Variants in AHCYL2 observed in about 807,000 individuals in gnomAD.
AHCYL2 encodes the protein S-adenosylhomocysteine hydrolase-like protein 2.
A neutral mutation model predicts 81.4 loss-of-function variants in AHCYL2; 28 were observed. The observed-to-expected ratio is 0.34, with a 90% confidence interval of 0.25 to 0.47. The LOEUF is 0.47. Ranked by LOEUF, AHCYL2 falls within the 20% of genes least tolerant of loss-of-function variation. AHCYL2 has a pLI of 1.00. For missense variants in AHCYL2, 551 were observed against 785.1 expected, an observed-to-expected ratio of 0.70 and a Z score of 3.56; for synonymous variants, 272 against 290.2, an observed-to-expected ratio of 0.94 and a Z score of 0.64.
rs1468775249 is a variant in AHCYL2, at chr7:129,427,340, C to G, written c.*295C>G. ...TGCATCATTCCCCATTGACTGAATC[C>G]TCAGCAGTGGCCGTTTTTCCTCTTG... On this transcript the variant is annotated 3_prime_UTR_variant, in exon 17 of 17. Coordinates refer to ENST00000325006, the MANE Select transcript of AHCYL2 (RefSeq NM_015328.4). This position sits in a 1 kb window ranked among gnomAD's most constrained non-coding sequence, Gnocchi z 5.5. The G allele has an allele frequency of 3.4e-6, 1 of 296,756 alleles. No homozygotes were observed. Among genetic ancestry groups the G allele is most frequent in the African/African-American group, 2.2e-5 (1 of 45,838 alleles). The allele number at this position is 296,756 out of a possible 1,614,324, so 18.4% of individuals were successfully genotyped here.
Position 129,231,589 on chromosome 7 carries a change from C to T in AHCYL2, c.363+6150C>T, listed in dbSNP as rs1056779745. ...GAAGAGAACAATCTTGGCAGTTGCC[C>T]TGATCCACTGCCCTGCTGTCATGTT... On this transcript the variant is annotated intron_variant, in intron 1 of 16. Transcript: ENST00000325006. Among the ~76,000 whole-genome samples, 119 of 152,272 alleles carry T rather than the reference C, an allele frequency of 7.8e-4. 1 individual carries two copies. The highest frequency in any genetic ancestry group is 2.7e-3 in the African/African-American group (111 of 41,562).
At chr7:129,294,517 G>A (rs561587189) in intron 1 of AHCYL2, among the ~76,000 whole-genome samples, 17 of 152,260 alleles carry the variant, frequency 1.1e-4, no homozygotes, top group African/African-American at 2.4e-4. Context: ...CAATTTTTCT[G>A]ATACAGCAAT....
At chr7:129,350,568 G>A (rs2150829223) in intron 1 of AHCYL2, among the ~76,000 whole-genome samples, 1 of 151,914 alleles carries the variant, frequency 6.6e-6, no homozygotes, top group East Asian at 1.9e-4. Flanking sequence ...TGTATTTTTA[G>A]TAGAGACAGG....
chr7:129,331,431 A>T (rs1798416945), intron 1 of AHCYL2, among the ~76,000 whole-genome samples: 1 of 152,248 alleles, frequency 6.6e-6, no homozygotes, highest in Non-Finnish European at 1.5e-5. Context: ...TTTTAAATAA[A>T]GTAGGATACA....
chr7:129,425,788 T>C (rs1203151614), intron 15 of AHCYL2, among the ~76,000 whole-genome samples: 4 of 152,342 alleles, frequency 2.6e-5, no homozygotes, highest in African/African-American at 7.2e-5. Flanking sequence ...ATAACAACTG[T>C]TAAAAGTTGA....
chr7:129,260,765 C>T (rs1049116017), intron 1 of AHCYL2, among the ~76,000 whole-genome samples: 5 of 152,138 alleles, frequency 3.3e-5, no homozygotes, highest in African/African-American at 1.2e-4. Flanking sequence ...CAACTGAACT[C>T]TCATCAACAC....
intron 1 of AHCYL2, among the ~76,000 whole-genome samples, chr7:129,246,245 A>T (rs1795052286): frequency 6.6e-6 from 1 of 152,074 alleles, no homozygotes; most frequent in African/African-American, 2.4e-5. Flanking sequence ...TTTAGTAGAG[A>T]CAGGGTTTCT....
At position 129,342,784 on chromosome 7, in the gene AHCYL2, G is replaced by T. The variant is rs75331517; in HGVS notation, c.364-36854G>T. ...CTTTCCTTTCTCCCTACTCACCTCTGTTCACCACAGGCAGTCATTGTTGAC... is the reference window on the plus strand; with the variant it reads ...CTTTCCTTTCTCCCTACTCACCTCTTTTCACCACAGGCAGTCATTGTTGAC... On this transcript the variant is annotated intron_variant, in intron 1 of 16. Transcript: ENST00000325006. Among the ~76,000 whole-genome samples the T allele has an allele frequency of 7.2e-4, 110 of 152,184 alleles. 1 individual carries two copies. In the East Asian group the frequency reaches 0.021, roughly 29 times the overall value.
At chr7:129,423,551 T>G (rs1185066657) in intron 13 of AHCYL2, among the ~76,000 whole-genome samples, 1 of 152,218 alleles carries the variant, frequency 6.6e-6, no homozygotes, top group Non-Finnish European at 1.5e-5. Flanking sequence ...TCTTCCCTAG[T>G]CCTGGATTCC....
At chr7:129,227,301 G>A (rs1794259383) in intron 1 of AHCYL2, among the ~76,000 whole-genome samples, 2 of 151,796 alleles carry the variant, frequency 1.3e-5, no homozygotes, top group African/African-American at 2.4e-5. Context: ...GACCACCTCT[G>A]AAAGTTACAC....
intron 1 of AHCYL2, among the ~76,000 whole-genome samples, chr7:129,371,521 T>TC (rs1324963416): frequency 6.6e-6 from 1 of 152,194 alleles, no homozygotes; most frequent in Non-Finnish European, 1.5e-5. Context: ...GAGCCTCTGC[T>TC]CCTCAGCTGT....
chr7:129,336,609 T>C (rs528507169), intron 1 of AHCYL2, among the ~76,000 whole-genome samples: 5 of 152,164 alleles, frequency 3.3e-5, no homozygotes, highest in Non-Finnish European at 2.9e-5. Flanking sequence ...TGATTAGAAA[T>C]AGGTAAGACT....
intron 1 of AHCYL2, among the ~76,000 whole-genome samples, chr7:129,250,185 G>A (rs1404279420): frequency 1.3e-5 from 2 of 152,078 alleles, no homozygotes; most frequent in African/African-American, 4.8e-5. Flanking sequence ...TGTAGTCCTA[G>A]TTACCTGGGA....
intron 1 of AHCYL2, among the ~76,000 whole-genome samples, chr7:129,251,647 C>G (rs550906752): frequency 6.6e-6 from 1 of 152,282 alleles, no homozygotes; most frequent in African/African-American, 2.4e-5. Context: ...GTGTGCGCCA[C>G]TGTGCCTGGC....
rs764291375 is a variant in AHCYL2 at position 129,422,887 on chromosome 7, A to C, written c.1509A>C (p.Gln503His). The C allele has an allele frequency of 6.2e-7, 1 of 1,614,128 alleles. No homozygotes were observed. Among genetic ancestry groups the C allele is most frequent in the Non-Finnish European group, 8.5e-7 (1 of 1,180,018 alleles). ...TGACCTGGGAGCGAGTGAGATCTCAAGTTGACCATGTGATATGGCCTGATG... is the reference window on the plus strand; with the variant it reads ...TGACCTGGGAGCGAGTGAGATCTCACGTTGACCATGTGATATGGCCTGATG... Reference protein sequence around the residue: ...PELTWERVRSQVDHVIWPDGK... With the variant: ...PELTWERVRSHVDHVIWPDGK... Residue 503 changes from glutamine to histidine, a missense_variant, in exon 13 of 17, where the codon CAA becomes CAC. By Grantham distance (24) the Gln-to-His change is conservative. Transcript: ENST00000325006.
At chr7:129,262,875 A>C (rs1795690555) in intron 1 of AHCYL2, among the ~76,000 whole-genome samples, 1 of 152,172 alleles carries the variant, frequency 6.6e-6, no homozygotes, top group Non-Finnish European at 1.5e-5. Flanking sequence ...TGACATGAAA[A>C]TGGAGGGTAA....
At chr7:129,393,159 G>A (rs1482748866) in intron 4 of AHCYL2, among the ~76,000 whole-genome samples, 1 of 152,238 alleles carries the variant, frequency 6.6e-6, no homozygotes, top group African/African-American at 2.4e-5. Flanking sequence ...GCTCACGCCT[G>A]TAATCCCAGC....
At chr7:129,309,146 C>T (rs1797549297) in intron 1 of AHCYL2, among the ~76,000 whole-genome samples, 2 of 152,244 alleles carry the variant, frequency 1.3e-5, no homozygotes, top group East Asian at 3.9e-4. Flanking sequence ...TCAGGAGAAT[C>T]ACTTGAACCC....
chr7:129,289,980 C>A (rs1356702460), intron 1 of AHCYL2, among the ~76,000 whole-genome samples: 2 of 151,848 alleles, frequency 1.3e-5, no homozygotes, highest in Non-Finnish European at 2.9e-5. Flanking sequence ...TGGGGTTTCT[C>A]CATGTTGGTC....
Sources: gnomAD v4.1 joint callset for allele counts (sites outside exome capture counted in the v4.1 genomes callset) on GRCh38, gnomAD v4.1.1 for gene constraint, Gnocchi (gnomAD v3.1) non-coding constraint, MANE v1.5 for transcripts, NCBI Gene and HGNC (gene_info 2026-07-23, HGNC 2026-07-21) for gene names.